Variants in TSGA10IP observed in about 807,000 individuals in gnomAD.
The protein encoded by TSGA10IP is testis-specific protein 10-interacting protein.
TSGA10IP carries 64 observed loss-of-function variants against 63.2 expected under a neutral mutation model. That is an observed-to-expected ratio of 1.01 (90% CI 0.83 to 1.25). The LOEUF is 1.25. Among genes scored for constraint, TSGA10IP ranks in the 50% most tolerant of loss-of-function variants. The pLI, the probability that TSGA10IP is intolerant of heterozygous loss-of-function variation, is 0.00. For missense variants in TSGA10IP, 681 were observed against 710.1 expected (o/e 0.96, Z 0.47); for synonymous variants, 316 against 298.3 (o/e 1.06, Z -0.61).
chr11:65,952,132 G>A (rs891204908), intron 4 of TSGA10IP, among the ~76,000 whole-genome samples: 1 of 152,146 alleles, frequency 6.6e-6, no homozygotes, highest in South Asian at 2.1e-4. Context: ...GGGATTTCAG[G>A]CAACAGCCGT....
intron 5 of TSGA10IP, among the ~76,000 whole-genome samples, chr11:65,957,108 C>T (rs1024582512): frequency 4.6e-5 from 7 of 152,152 alleles, no homozygotes; most frequent in East Asian, 1.9e-4. Context: ...AGATGATGGA[C>T]GGGGCTGACA....
exon 4 of TSGA10IP, chr11:65,948,034 C>G: frequency 6.4e-7 from 1 of 1,567,222 alleles, no homozygotes; most frequent in Non-Finnish European, 8.7e-7. Flanking sequence ...ACTTTGAGGG[C>G]TGCCTTCCAG....
At chr11:65,950,935 C>T (rs773878956) in intron 4 of TSGA10IP, among the ~76,000 whole-genome samples, 1 of 152,134 alleles carries the variant, frequency 6.6e-6, no homozygotes, top group Non-Finnish European at 1.5e-5. Context: ...AGATTTGGCA[C>T]ATAAGGGAGA....
At chr11:65,949,042 G>GA (rs896062624) in intron 4 of TSGA10IP, among the ~76,000 whole-genome samples, 167 of 146,138 alleles carry the variant, frequency 1.1e-3, no homozygotes, top group African/African-American at 3.6e-3. Context: ...CTCTACAAAG[G>GA]AAAAAAAAAA....
intron 5 of TSGA10IP, among the ~76,000 whole-genome samples, chr11:65,954,711 G>A (rs1259535064): frequency 9.2e-5 from 14 of 151,960 alleles, no homozygotes; most frequent in African/African-American, 3.4e-4. Flanking sequence ...CTAGCTATTC[G>A]GGAGGCTGAG....
intron 5 of TSGA10IP, among the ~76,000 whole-genome samples, chr11:65,955,240 T>C (rs529194190): frequency 4.6e-5 from 7 of 152,112 alleles, no homozygotes; most frequent in Non-Finnish European, 1.5e-5. Context: ...GTTTTTTTTT[T>C]CCTGGGCTGT....
exon 2 of TSGA10IP, chr11:65,946,999 C>G: frequency 1.2e-6 from 2 of 1,613,984 alleles, no homozygotes; most frequent in East Asian, 2.2e-5. Flanking sequence ...AAGGACAGGG[C>G]TCTGAAGAGT....
intron 4 of TSGA10IP, among the ~76,000 whole-genome samples, chr11:65,949,380 G>A (rs1004056752): frequency 2.6e-5 from 4 of 151,702 alleles, no homozygotes; most frequent in Non-Finnish European, 5.9e-5. Flanking sequence ...GCATGTGAGG[G>A]CAGGGGAGAG....
Position 65,953,730 on chromosome 11 carries a change from G to T in TSGA10IP, c.1315G>T (p.Glu439Ter), listed in dbSNP as rs573315213. 2.0e-6 allele frequency: 3 copies of T among 1,530,748 alleles called. No homozygotes were observed. The highest frequency in any genetic ancestry group is 1.7e-6 in the Non-Finnish European group (2 of 1,148,650). The allele number at this position is 1,530,748 out of a possible 1,614,324, so 94.8% of individuals were successfully genotyped here. A position where few individuals can be genotyped will look rare whatever the true frequency, so the allele number is the denominator to read the frequency against. Residue 439 changes from glutamate to a stop codon, truncating the protein, a stop_gained, in exon 5 of 8, where the codon GAG (glutamate) becomes TAG (stop). Coordinates refer to ENST00000532620, the Ensembl canonical transcript of TSGA10IP. LOFTEE classifies it high-confidence loss of function. ...TGGGGCGGCCCAGCGCAAGCTGGAG[G>T]AGCTGAGGTAGGGAGCCTGGGCTTC...
rs1854817929 is a variant in TSGA10IP at position 65,945,757 on chromosome 11, C to T, written c.82C>T (p.Leu28Phe). 3.7e-6 allele frequency: 6 copies of T among 1,613,632 alleles called. No homozygotes were observed. The East Asian group carries it at 1.1e-4, about 30-fold the overall frequency. ...GGTGCGACCAGGGCAGGACGTGCGG[C>T]TCCAGGCTCCAGGAACCAGAACGGG... The change falls in exon 1 of 8, where the codon CTC becomes TTC. Residue 28 changes from leucine (L) to phenylalanine (F), a missense_variant. Transcript: ENST00000532620.
At chr11:65,959,721 G>A (rs1457267881) in intron 7 of TSGA10IP, 96 bp from the exon 8 acceptor site, 4 of 1,454,738 alleles carry the variant, frequency 2.7e-6, no homozygotes, top group South Asian at 1.4e-5. Context: ...ACAGCAAGCC[G>A]GCACTGAAGC....
intron 5 of TSGA10IP, among the ~76,000 whole-genome samples, chr11:65,956,265 GTA>G (rs1855023338): frequency 6.6e-6 from 1 of 151,812 alleles, no homozygotes; most frequent in Non-Finnish European, 1.5e-5. Context: ...AGCCTTCCGA[GTA>G]GCTGGGATTA....
In TSGA10IP at chr11:65,950,783, C is replaced by T. The variant is rs182999789; in HGVS notation, c.1151+2635C>T. On this transcript the variant is annotated intron_variant, in intron 4 of 7. Transcript: ENST00000532620. ...TTCACTGTGTTAGCCAGGATGGTCT[C>T]GCTATCCTGACCTCGTGATCCACCC... Among the ~76,000 whole-genome samples the T allele has an allele frequency of 2.7e-3, 406 of 152,158 alleles. 2 individuals are homozygous for T. Among genetic ancestry groups the T allele is most frequent in the African/African-American group, 8.9e-3 (371 of 41,512 alleles).
chr11:65,947,416 T>G, exon 3 of TSGA10IP: 2 of 1,613,464 alleles, frequency 1.2e-6, no homozygotes, highest in Non-Finnish European at 1.7e-6. Flanking sequence ...CCCCCAGTGG[T>G]CTCCAGCTGC....
At chr11:65,956,898 A>C (rs1029526932) in intron 5 of TSGA10IP, among the ~76,000 whole-genome samples, 3 of 152,212 alleles carry the variant, frequency 2.0e-5, no homozygotes, top group Admixed American at 2.0e-4. Flanking sequence ...TGCAGCAAAA[A>C]GAGTGATTCA....
chr11:65,953,581 C>T, exon 5 of TSGA10IP: 1 of 1,590,258 alleles, frequency 6.3e-7, no homozygotes, highest in Non-Finnish European at 8.6e-7. Context: ...CTGCTGCAGG[C>T]CTGGGAGCGG....
intron 4 of TSGA10IP, among the ~76,000 whole-genome samples, chr11:65,949,370 G>T (rs115680275): frequency 0.015 from 2,298 of 152,126 alleles, 11 homozygotes; most frequent in Non-Finnish European, 0.024. Context: ...GTGACAGGAG[G>T]CATGTGAGGG....
exon 5 of TSGA10IP, chr11:65,953,634 C>T (rs200258367): frequency 1.8e-5 from 28 of 1,591,240 alleles, no homozygotes; most frequent in South Asian, 7.8e-5. Flanking sequence ...GCGGCGGGCC[C>T]GGACACAGCA....
chr11:65,947,979 G>A (rs1008449548), intron 3 of TSGA10IP, 22 bp from the exon 4 acceptor site: 3 of 1,552,544 alleles, frequency 1.9e-6, no homozygotes, highest in Middle Eastern at 1.7e-4. Context: ...GGCAGCCCCT[G>A]ACTTGGTCCC....
Sources: allele counts gnomAD v4.1 joint callset (sites outside exome capture counted in the v4.1 genomes callset), GRCh38; gene constraint gnomAD v4.1.1; transcripts MANE v1.5; gene names NCBI Gene and HGNC (gene_info 2026-07-23, HGNC 2026-07-21).